Variants in NRCAM observed in about 807,000 individuals in gnomAD.
NRCAM encodes the protein NgCAM-related cell adhesion molecule.
Under a neutral mutation model 156.5 loss-of-function variants are expected in NRCAM, and 83 were observed. The ratio of observed to expected loss-of-function variants is 0.53; its 90% confidence interval spans 0.44 to 0.64. The LOEUF is 0.64. Among genes scored for constraint, NRCAM ranks in the 30% least tolerant of loss-of-function variants. NRCAM has a pLI of 0.00. For synonymous variants in NRCAM, 538 were observed against 563.9 expected (o/e 0.95, Z 0.65); for missense variants, 1,417 against 1,597.3 (o/e 0.89, Z 1.92).
intron 23 of NRCAM, among the ~76,000 whole-genome samples, chr7:108,182,480 C>T (rs1353818054): frequency 1.3e-5 from 2 of 152,188 alleles, no homozygotes; most frequent in Non-Finnish European, 2.9e-5. Flanking sequence ...CATCCTGGAA[C>T]CAATCCCCTG....
chr7:108,359,135 C>T (rs1366285667), intron 2 of NRCAM, among the ~76,000 whole-genome samples: 1 of 152,140 alleles, frequency 6.6e-6, no homozygotes, highest in East Asian at 1.9e-4. Flanking sequence ...CCCCATTGCC[C>T]CACACCTTCC....
intron 2 of NRCAM, among the ~76,000 whole-genome samples, chr7:108,348,373 G>T (rs1400228553): frequency 3.3e-5 from 5 of 152,164 alleles, no homozygotes; most frequent in African/African-American, 1.2e-4. Flanking sequence ...GAGCCTGGGG[G>T]TTGTGAGGGA....
intron 15 of NRCAM, 102 bp downstream of exon 15, chr7:108,195,659 G>T: frequency 1.5e-6 from 1 of 659,462 alleles, no homozygotes; most frequent in East Asian, 2.9e-5. Context: ...ATTGTGTGGT[G>T]CCTTTCCCTG....
rs1309858947 is a variant in NRCAM at position 108,240,164 on chromosome 7, C to T, written c.-100G>A. The T allele has an allele frequency of 2.3e-5, 17 of 739,148 alleles. No individual in the cohort carries two copies. The highest frequency in any genetic ancestry group is 4.7e-5 in the Admixed American group (2 of 42,724). The allele number at this position is 739,148 out of a possible 1,614,324, so 45.8% of individuals were successfully genotyped here. A position where few individuals can be genotyped will look rare whatever the true frequency, so the allele number is the denominator to read the frequency against. On this transcript the variant is annotated 5_prime_UTR_variant, in exon 4 of 33. Coordinates refer to ENST00000379028, the MANE Select transcript of NRCAM (RefSeq NM_001037132.4). ...GTGCAACGTTTAAGTAATTTTCATG[C>T]GGGAAACTGAAAAAGGATAGAGTAG...
intron 2 of NRCAM, among the ~76,000 whole-genome samples, chr7:108,358,136 G>A (rs1437125676): frequency 6.6e-6 from 1 of 151,934 alleles, no homozygotes; most frequent in Non-Finnish European, 1.5e-5. Context: ...CTGGCTAGCT[G>A]GCGGCTCACA....
In NRCAM at chr7:108,399,007, C is replaced by T. The variant is rs117702469; in HGVS notation, c.-174+429G>A. Among the ~76,000 whole-genome samples the T allele has an allele frequency of 4.4e-3, 666 of 152,124 alleles. 7 individuals carry two copies. The highest frequency in any genetic ancestry group is 7.3e-3 in the Non-Finnish European group (496 of 67,986). On this transcript the variant is annotated intron_variant, in intron 2 of 32. Transcript: ENST00000379028. ...TTTTTCTTACTTATGCAAATAATAC[C>T]TCATGGTTTACAAAGTGTTTTCATA...
At chr7:108,332,356 T>C (rs2099135387) in intron 2 of NRCAM, among the ~76,000 whole-genome samples, 1 of 152,234 alleles carries the variant, frequency 6.6e-6, no homozygotes, top group Admixed American at 6.5e-5. Context: ...TTCAAGAGAA[T>C]AGTAGAGACT....
chr7:108,321,035 C>T (rs1276991444), intron 2 of NRCAM, among the ~76,000 whole-genome samples: 1 of 152,238 alleles, frequency 6.6e-6, no homozygotes, highest in Non-Finnish European at 1.5e-5. Context: ...CTGAACAACA[C>T]AGTACAACTC....
intron 2 of NRCAM, among the ~76,000 whole-genome samples, chr7:108,387,315 C>A (rs2099743777): frequency 6.6e-6 from 1 of 152,064 alleles, no homozygotes; most frequent in Admixed American, 6.6e-5. Flanking sequence ...CTTTTATTAA[C>A]CTCCATATTC....
chr7:108,401,313 G>A (rs1171112920), intron 1 of NRCAM, among the ~76,000 whole-genome samples: 1 of 152,164 alleles, frequency 6.6e-6, no homozygotes, highest in Non-Finnish European at 1.5e-5. Context: ...GGCTGAGGCA[G>A]GTGGATCACT....
intron 32 of NRCAM, among the ~76,000 whole-genome samples, chr7:108,152,621 T>G (rs139169214): frequency 1.1e-4 from 16 of 152,276 alleles, no homozygotes; most frequent in Non-Finnish European, 2.4e-4. Context: ...TAGCCTACCT[T>G]AGAGGGCTGG....
intron 7 of NRCAM, 112 bp from the exon 8 acceptor site, chr7:108,231,265 T>A: frequency 3.0e-6 from 2 of 671,274 alleles, no homozygotes; most frequent in Non-Finnish European, 4.8e-6. Flanking sequence ...GTAATTTATG[T>A]ACACTAAATT....
chr7:108,443,689 C>T (rs1841134342), intron 1 of NRCAM, among the ~76,000 whole-genome samples: 1 of 152,150 alleles, frequency 6.6e-6, no homozygotes, highest in African/African-American at 2.4e-5. Context: ...ATGGAGGCAG[C>T]AAAGTTGCAG....
At chr7:108,217,883 A>C (rs1016927679) in intron 11 of NRCAM, among the ~76,000 whole-genome samples, 1 of 152,082 alleles carries the variant, frequency 6.6e-6, no homozygotes, top group Non-Finnish European at 1.5e-5. Context: ...GCTGAGCTAG[A>C]TCACTTGGCT....
chr7:108,354,138 C>T (rs1190661243), intron 2 of NRCAM, among the ~76,000 whole-genome samples: 1 of 152,156 alleles, frequency 6.6e-6, no homozygotes, highest in African/African-American at 2.4e-5. Flanking sequence ...AATTATCCAA[C>T]AAGGAAATAT....
chr7:108,295,373 T>C (rs2098434200), intron 3 of NRCAM, among the ~76,000 whole-genome samples: 1 of 152,198 alleles, frequency 6.6e-6, no homozygotes, highest in South Asian at 2.1e-4. Flanking sequence ...CAGGGTAACA[T>C]AACAGAAATT....
At position 108,203,917 on chromosome 7, in the gene NRCAM, G is replaced by A. The variant is rs142407680; in HGVS notation, c.1207+3611C>T. ...GCCTATGCTAGGACCCCATGATGAA[G>A]GCAAGGAGTCTTCATTGTGCTAATT... On this transcript the variant is annotated intron_variant, in intron 13 of 32. Transcript: ENST00000379028. Among the ~76,000 whole-genome samples, 580 of 152,330 alleles carry A rather than the reference G, an allele frequency of 3.8e-3. 5 individuals carry two copies. Among genetic ancestry groups the A allele is most frequent in the African/African-American group, 0.013 (552 of 41,580 alleles).
At chr7:108,186,045 G>A (rs1305962416) in intron 20 of NRCAM, among the ~76,000 whole-genome samples, 2 of 152,186 alleles carry the variant, frequency 1.3e-5, no homozygotes, top group Admixed American at 6.5e-5. Context: ...AAATTCTGTG[G>A]TGTGTACACA....
chr7:108,212,417 A>G, intron 11 of NRCAM, among the ~76,000 whole-genome samples: 1 of 152,214 alleles, frequency 6.6e-6, no homozygotes, highest in East Asian at 1.9e-4. Context: ...TACCTGAAAA[A>G]GAATTCAGAA....
Sources: allele counts gnomAD v4.1 joint callset (sites outside exome capture counted in the v4.1 genomes callset), GRCh38; gene constraint gnomAD v4.1.1; transcripts MANE v1.5; gene names NCBI Gene and HGNC (gene_info 2026-07-23, HGNC 2026-07-21).